Variants in TBC1D22A observed in about 807,000 individuals in gnomAD.
TBC1D22A encodes the protein putative GTPase activator.
In TBC1D22A, 38 loss-of-function variants were observed where a neutral mutation model predicts 60.2. That is an observed-to-expected ratio of 0.63 (90% CI 0.49 to 0.83). TBC1D22A has a LOEUF of 0.83. Ranked by LOEUF, TBC1D22A falls within the 40% of genes least tolerant of loss-of-function variation. The pLI, the probability that TBC1D22A is intolerant of heterozygous loss-of-function variation, is 0.00. For synonymous variants in TBC1D22A, 302 were observed against 281.7 expected (o/e 1.07, Z -0.72); for missense variants, 628 against 701.0 (o/e 0.90, Z 1.18).
chr22:47,104,400 A>C (rs1603272660), intron 11 of TBC1D22A, among the ~76,000 whole-genome samples: 2 of 151,866 alleles, frequency 1.3e-5, no homozygotes, highest in Non-Finnish European at 2.9e-5. Context: ...CACCTTTTAA[A>C]GATTCAATAG....
chr22:47,094,039 G>T (rs1419144343), intron 11 of TBC1D22A, among the ~76,000 whole-genome samples: 1 of 152,208 alleles, frequency 6.6e-6, no homozygotes. Flanking sequence ...ACAGGGAGGG[G>T]TAAGGAAGCA....
intron 10 of TBC1D22A, among the ~76,000 whole-genome samples, chr22:47,012,564 ACT>A (rs2061784076): frequency 1.3e-5 from 2 of 150,818 alleles, no homozygotes. Flanking sequence ...CTGTTTCTCT[ACT>A]CTGTTTCTTT....
chr22:46,768,774 G>T (rs1471794731), intron 1 of TBC1D22A, among the ~76,000 whole-genome samples: 1 of 152,076 alleles, frequency 6.6e-6, no homozygotes, highest in Admixed American at 6.6e-5. Context: ...AGGCAGCTGG[G>T]GTATGTGGAG....
At chr22:47,101,383 C>T (rs182079845) in intron 11 of TBC1D22A, among the ~76,000 whole-genome samples, 4 of 152,326 alleles carry the variant, frequency 2.6e-5, no homozygotes, top group Admixed American at 1.3e-4. Flanking sequence ...GATGCTGGGC[C>T]GGCCTCTAGA....
chr22:46,769,113 AAAAG>A lies in TBC1D22A; in HGVS notation c.62+6270_62+6273del, dbSNP rs2083399021. On this transcript the variant is annotated intron_variant, in intron 1 of 12. Coordinates refer to ENST00000337137, the MANE Select transcript of TBC1D22A (RefSeq NM_014346.5). ...TGTCTCAAAAAAAAAAAAAAAAAAA[AAAAG>A]AAAGTGTTATGGTAGCAAGAAAGGC... Among the ~76,000 whole-genome samples, 7 of 151,342 alleles carry A rather than the reference AAAAG, an allele frequency of 4.6e-5. No individual in the cohort carries two copies. The South Asian group carries it at 6.3e-4, about 14-fold the overall frequency.
chr22:47,173,093 G>A (rs1041378770), intron 12 of TBC1D22A, among the ~76,000 whole-genome samples: 1 of 152,248 alleles, frequency 6.6e-6, no homozygotes, highest in Non-Finnish European at 1.5e-5. Context: ...GCAGGGCCCC[G>A]AGAGCTGGGT....
intron 12 of TBC1D22A, among the ~76,000 whole-genome samples, chr22:47,155,207 T>A (rs1016671014): frequency 2.2e-5 from 3 of 136,920 alleles, no homozygotes; most frequent in Admixed American, 6.8e-5. Context: ...TTAGAATTCC[T>A]TTTTTGGAAA....
chr22:47,173,853 C>T lies in TBC1D22A; in HGVS notation c.*227C>T, dbSNP rs948876181. The T allele has an allele frequency of 4.9e-5, 30 of 609,900 alleles. 1 individual carries two copies. Among genetic ancestry groups the T allele is most frequent in the South Asian group, 3.0e-4 (14 of 46,324 alleles). 37.8% of individuals were successfully genotyped at this position (609,900 alleles called of 1,614,324 possible). On this transcript the variant is annotated 3_prime_UTR_variant, in exon 13 of 13. Transcript: ENST00000337137. ...ACCAAAGAGAGCCAGGGGAGGGCCCCGGGTTCGGCGGCCAGAGGCAGGTCA... is the reference window on the plus strand; with the variant it reads ...ACCAAAGAGAGCCAGGGGAGGGCCCTGGGTTCGGCGGCCAGAGGCAGGTCA...
At chr22:46,878,574 T>C (rs929058390) in intron 4 of TBC1D22A, 79 bp from the exon 5 acceptor site, 86 of 1,187,970 alleles carry the variant, frequency 7.2e-5, no homozygotes, top group Non-Finnish European at 1.0e-4. Flanking sequence ...ATTAAACAGG[T>C]GGAATGTGTT....
At chr22:46,977,295 G>T (rs893776838) in intron 9 of TBC1D22A, among the ~76,000 whole-genome samples, 4 of 152,134 alleles carry the variant, frequency 2.6e-5, no homozygotes, top group African/African-American at 4.8e-5. Flanking sequence ...TTGAGATTCC[G>T]TATTCTACTT....
At chr22:46,978,169 C>G (rs1454601460) in intron 9 of TBC1D22A, among the ~76,000 whole-genome samples, 2 of 152,194 alleles carry the variant, frequency 1.3e-5, no homozygotes, top group Non-Finnish European at 2.9e-5. Flanking sequence ...TCAGGTGCTG[C>G]CCAGAGCAGG....
chr22:47,004,203 ATACACACACCCC>A (rs201315352), intron 10 of TBC1D22A, among the ~76,000 whole-genome samples: 2,033 of 147,836 alleles, frequency 0.014, 21 homozygotes, highest in Middle Eastern at 0.033. Flanking sequence ...CTCCTCATAC[ATACACACACCCC>A]TACACACACC....
chr22:46,797,325 G>A (rs2146932212), intron 3 of TBC1D22A, 119 bp from the exon 4 acceptor site: 1 of 1,127,182 alleles, frequency 8.9e-7, no homozygotes, highest in Non-Finnish European at 1.3e-6. Context: ...GGTCCCCACT[G>A]CTGAGTGATG....
intron 4 of TBC1D22A, among the ~76,000 whole-genome samples, chr22:46,852,586 G>C (rs903764256): frequency 2.0e-5 from 3 of 152,180 alleles, no homozygotes; most frequent in African/African-American, 7.2e-5. Flanking sequence ...TTGAAGGCTT[G>C]TTCTTGGTTC....
chr22:47,081,104 G>A (rs1420722200), intron 11 of TBC1D22A, among the ~76,000 whole-genome samples: 1 of 122,114 alleles, frequency 8.2e-6, no homozygotes, highest in African/African-American at 3.1e-5. Context: ...TGGGCAACAA[G>A]AGCGAAACTC....
intron 11 of TBC1D22A, among the ~76,000 whole-genome samples, chr22:47,091,575 G>C (rs1375975233): frequency 3.4e-5 from 5 of 147,506 alleles, no homozygotes; most frequent in Non-Finnish European, 7.5e-5. Flanking sequence ...GGGTGGCTGC[G>C]TGTTGATAGA....
chr22:47,021,592 C>G (rs2062090489), intron 10 of TBC1D22A, among the ~76,000 whole-genome samples: 1 of 151,888 alleles, frequency 6.6e-6, no homozygotes, highest in South Asian at 2.1e-4. Context: ...GCCTGGAGCC[C>G]TGAGCAGGGA....
intron 11 of TBC1D22A, among the ~76,000 whole-genome samples, chr22:47,066,852 G>T (rs1358056318): frequency 2.6e-5 from 4 of 152,162 alleles, no homozygotes; most frequent in Non-Finnish European, 1.5e-5. Flanking sequence ...TAACACTGGT[G>T]TCTGGATAGG....
At chr22:47,137,171 G>A (rs2066907123) in intron 12 of TBC1D22A, among the ~76,000 whole-genome samples, 1 of 152,242 alleles carries the variant, frequency 6.6e-6, no homozygotes, top group Admixed American at 6.5e-5. Context: ...TAATTAGTTT[G>A]AGGATTTTCA....
Sources: gnomAD v4.1 joint callset for allele counts (sites outside exome capture counted in the v4.1 genomes callset) on GRCh38, gnomAD v4.1.1 for gene constraint, MANE v1.5 for transcripts, NCBI Gene and HGNC (gene_info 2026-07-23, HGNC 2026-07-21) for gene names.